CD80: variants seen among roughly 807,000 people sequenced by gnomAD.
CD80 encodes the protein T-lymphocyte activation antigen CD80.
CD80 carries 13 observed loss-of-function variants against 27.1 expected under a neutral mutation model. The ratio of observed to expected loss-of-function variants is 0.48; its 90% CI spans 0.31 to 0.76. The LOEUF is 0.76. CD80 is among the 30% of genes least tolerant of loss of function. CD80 has a pLI of 0.04. For synonymous variants in CD80, 125 were observed against 125.5 expected (o/e 1.00, Z 0.03); for missense variants, 277 against 347.9 (o/e 0.80, Z 1.62).
chr3:119,528,251 C>T (rs2082089462), intron 5 of CD80, among the ~76,000 whole-genome samples: 1 of 152,166 alleles, frequency 6.6e-6, no homozygotes, highest in Non-Finnish European at 1.5e-5. Context: ...ACCTCTTTAT[C>T]CTACCCTTGG....
intron 2 of CD80, among the ~76,000 whole-genome samples, chr3:119,552,299 G>A (rs1465885627): frequency 6.6e-6 from 1 of 151,980 alleles, no homozygotes; most frequent in Admixed American, 6.6e-5. Context: ...GGCTAATACG[G>A]TGAAACCCCG....
chr3:119,529,844 T>C lies in CD80; in HGVS notation c.794A>G (p.Tyr265Cys), dbSNP rs1455304054. 1.3e-6 allele frequency: 2 copies of C among 1,590,188 alleles called. No individual in the cohort carries two copies. Among genetic ancestry groups the C allele is most frequent in the Admixed American group, 1.7e-5 (1 of 59,982 alleles). ...NGIFVICCLT[Y>C]CFAPRCRERR... The stretch of plus-strand genomic sequence containing the variant: ...GATGATGGTATGATAGTACTTACAG[T>C]AGGTCAGGCAGCATATCACAAAAAT... Residue 265 changes from tyrosine (Y) to cysteine (C), a missense_variant and splice_region_variant, in exon 5 of 7, where the codon TAC becomes TGC. By Grantham distance (194) the Tyr-to-Cys change is radical (BLOSUM62 -2). Transcript: ENST00000264246.
intron 2 of CD80, among the ~76,000 whole-genome samples, chr3:119,550,334 G>A (rs953116247): frequency 2.0e-5 from 3 of 152,208 alleles, no homozygotes; most frequent in South Asian, 2.1e-4. Context: ...AAAAGTGAAA[G>A]CATAGCTGAA....
chr3:119,546,382 G>A (rs1385379496), intron 2 of CD80, among the ~76,000 whole-genome samples: 2 of 152,082 alleles, frequency 1.3e-5, no homozygotes, highest in Non-Finnish European at 2.9e-5. Context: ...GGGGACAGGT[G>A]CTATGTCATT....
intron 5 of CD80, among the ~76,000 whole-genome samples, chr3:119,529,180 C>A (rs1202216215): frequency 6.6e-6 from 1 of 152,084 alleles, no homozygotes; most frequent in Non-Finnish European, 1.5e-5. Flanking sequence ...GAACTCCTGA[C>A]CTTAAGTGAT....
At chr3:119,541,220 T>C (rs2082166973) in intron 3 of CD80, among the ~76,000 whole-genome samples, 1 of 152,168 alleles carries the variant, frequency 6.6e-6, no homozygotes, top group African/African-American at 2.4e-5. Context: ...TTTAATTAGT[T>C]AACCCAATTT....
chr3:119,540,072 C>A (rs2082158949), intron 3 of CD80, among the ~76,000 whole-genome samples: 2 of 152,214 alleles, frequency 1.3e-5, no homozygotes, highest in Non-Finnish European at 2.9e-5. Context: ...CCTGCCTCAG[C>A]CTCCAGAGTA....
At chr3:119,526,829 A>C (rs55696355) in intron 6 of CD80, among the ~76,000 whole-genome samples, 22,748 of 152,118 alleles carry the variant, frequency 0.15, 4,450 homozygotes, top group African/African-American at 0.45. Flanking sequence ...TTGTAGACTA[A>C]TTCCTATACT....
At chr3:119,554,457 C>T (rs2082251748) in intron 2 of CD80, among the ~76,000 whole-genome samples, 1 of 152,176 alleles carries the variant, frequency 6.6e-6, no homozygotes, top group African/African-American at 2.4e-5. Context: ...GAGGGCTGCC[C>T]TGTTAGAGCC....
intron 2 of CD80, among the ~76,000 whole-genome samples, chr3:119,555,583 C>T (rs2082260110): frequency 6.6e-6 from 1 of 152,244 alleles, no homozygotes; most frequent in Non-Finnish European, 1.5e-5. Context: ...GCCAGTCCCT[C>T]CTCTGCTACT....
intron 4 of CD80, among the ~76,000 whole-genome samples, chr3:119,536,719 G>A (rs570403305): frequency 3.9e-4 from 60 of 152,218 alleles, no homozygotes; most frequent in African/African-American, 1.3e-3. Context: ...AAATAAATAC[G>A]ACAATTCTAA....
chr3:119,529,525 C>G (rs1244918671), intron 5 of CD80, among the ~76,000 whole-genome samples: 1 of 152,090 alleles, frequency 6.6e-6, no homozygotes, highest in Non-Finnish European at 1.5e-5. Flanking sequence ...AATTAGTTAG[C>G]AAACCCCAGT....
At chr3:119,550,614 G>A (rs908818351) in intron 2 of CD80, among the ~76,000 whole-genome samples, 3 of 152,308 alleles carry the variant, frequency 2.0e-5, no homozygotes, top group South Asian at 2.1e-4. Flanking sequence ...TGTCTCTAAC[G>A]ATTTTGTCTG....
At chr3:119,534,493 CA>C (rs1184764497) in intron 4 of CD80, among the ~76,000 whole-genome samples, 1 of 151,982 alleles carries the variant, frequency 6.6e-6, no homozygotes, top group Non-Finnish European at 1.5e-5. Context: ...TGAGTTGTTG[CA>C]ACAGAGACTG....
Position 119,544,775 on chromosome 3 carries a change from A to G in CD80, c.193T>C (p.Tyr65His), listed in dbSNP as rs1433518531. The G allele has an allele frequency of 6.2e-7, 1 of 1,614,210 alleles. No homozygotes were observed. Among genetic ancestry groups the G allele is most frequent in the Non-Finnish European group, 8.5e-7 (1 of 1,180,024 alleles). Residue 65 changes from tyrosine (Y) to histidine (H), a missense_variant, in exon 3 of 7, where the codon TAC becomes CAC. Coordinates refer to ENST00000264246, the MANE Select transcript of CD80 (RefSeq NM_005191.4). Reference sequence around the variant, plus strand: ...ACCATTTTCTTCTCCTTTTGCCAGTAGATGCGAGTTTGTGCCAGCTCTTCA... The same window carrying G: ...ACCATTTTCTTCTCCTTTTGCCAGTGGATGCGAGTTTGTGCCAGCTCTTCA... ...SVEELAQTRI[Y>H]WQKEKKMVLT...
chr3:119,544,972 A>G, intron 2 of CD80, 105 bp from the exon 3 acceptor site: 1 of 816,794 alleles, frequency 1.2e-6, no homozygotes, highest in Non-Finnish European at 1.9e-6. Context: ...TGTTGTGTCT[A>G]GTGACTAAGT....
intron 4 of CD80, among the ~76,000 whole-genome samples, chr3:119,534,109 C>T (rs112788242): frequency 1.1e-4 from 16 of 152,206 alleles, no homozygotes; most frequent in African/African-American, 3.9e-4. Context: ...GTGGCTCACA[C>T]CTGTAATCAC....
At chr3:119,556,251 C>T (rs6810204) in intron 2 of CD80, among the ~76,000 whole-genome samples, 24,710 of 152,102 alleles carry the variant, frequency 0.16, 2,559 homozygotes, top group East Asian at 0.32. Flanking sequence ...TCTCTTTCCA[C>T]TTACCTCTGA....
intron 3 of CD80, among the ~76,000 whole-genome samples, chr3:119,539,033 A>G (rs886203100): frequency 2.6e-5 from 4 of 152,162 alleles, no homozygotes; most frequent in African/African-American, 4.8e-5. Context: ...TTCTGTCCTC[A>G]TGAGACCATG....
Sources: allele counts gnomAD v4.1 joint callset (sites outside exome capture counted in the v4.1 genomes callset), GRCh38; gene constraint gnomAD v4.1.1; transcripts MANE v1.5; gene names NCBI Gene and HGNC (gene_info 2026-07-23, HGNC 2026-07-21).